Variants in ABCA12 observed in about 807,000 individuals in gnomAD.
ABCA12 encodes glucosylceramide transporter ABCA12.
ABCA12 carries 156 observed loss-of-function variants against 293.5 expected under a neutral mutation model. The observed-to-expected ratio is 0.53, with a 90% CI of 0.47 to 0.61. ABCA12 has a LOEUF of 0.61. Ranked by LOEUF, ABCA12 falls within the 20% of genes least tolerant of loss-of-function variation. The pLI is 0.00. For missense variants in ABCA12, 2,797 were observed against 3,090.2 expected, an observed-to-expected ratio of 0.91 and a Z score of 2.25; for synonymous variants, 1,063 against 1,108.0, an observed-to-expected ratio of 0.96 and a Z score of 0.81.
chr2:214,956,572 T>C, intron 42 of ABCA12, 91 bp downstream of exon 42: 1 of 930,102 alleles, frequency 1.1e-6, no homozygotes, highest in East Asian at 2.5e-5. Context: ...CCAAGACAAT[T>C]GTAATTTAGC....
chr2:215,011,952 T>G lies in ABCA12; in HGVS notation c.2121+19A>C. The G allele has an allele frequency of 6.2e-7, 1 of 1,613,056 alleles. No homozygotes were observed. The highest frequency in any genetic ancestry group is 8.5e-7 in the Non-Finnish European group (1 of 1,179,432). ...AGAAGGCATTTTTCAACAAGAACAT[T>G]ACTGGGTGACTTTGCTACCTGTGTT... On this transcript the variant is annotated intron_variant, in intron 16 of 52. Coordinates refer to ENST00000272895, the MANE Select transcript of ABCA12 (RefSeq NM_173076.3).
chr2:214,958,843 T>A (rs1699031298), intron 40 of ABCA12, among the ~76,000 whole-genome samples, 181 bp downstream of exon 40: 1 of 152,158 alleles, frequency 6.6e-6, no homozygotes, highest in Non-Finnish European at 1.5e-5. Context: ...CAACAAGCTC[T>A]ACTTGGCAAG....
In ABCA12 at chr2:215,084,707, T is replaced by C. The variant is rs1324022055; in HGVS notation, c.164-20488A>G. 2.6e-5 allele frequency among the ~76,000 whole-genome samples: 4 copies of C among 152,196 alleles called. No individual in the cohort carries two copies. The South Asian group carries it at 6.2e-4, about 24-fold the overall frequency. On this transcript the variant is annotated intron_variant, in intron 2 of 52. Transcript: ENST00000272895. Reference sequence around the variant, plus strand: ...ACCACGTAATGGTTACAGTTCTCCATGAGGGTCAATTTACCTTACTGGCAA... The same window carrying C: ...ACCACGTAATGGTTACAGTTCTCCACGAGGGTCAATTTACCTTACTGGCAA...
At position 215,004,228 on chromosome 2, in the gene ABCA12, C is replaced by T. The variant is rs1700205523; in HGVS notation, c.2664G>A (p.Leu888=). The change falls in exon 20 of 53, where the codon TTG becomes TTA. Residue 888 remains leucine, a synonymous_variant. Coordinates refer to ENST00000272895, the MANE Select transcript of ABCA12 (RefSeq NM_173076.3). The part of the protein sequence containing the change: ...FSVGLDAVEL[L]KQIDELDILR... ...ACTCACCGAGTTCATCTATCTGTTT[C>T]AATAGTTCAACAGCATCGAGTCCCA... 1.2e-6 allele frequency: 2 copies of T among 1,613,772 alleles called. No homozygotes were observed. The highest frequency in any genetic ancestry group is 2.7e-5 in the African/African-American group (2 of 74,910).
intron 2 of ABCA12, among the ~76,000 whole-genome samples, chr2:215,065,380 AAG>A (rs961101054): frequency 4.6e-5 from 7 of 151,094 alleles, no homozygotes; most frequent in African/African-American, 1.5e-4. Flanking sequence ...AAAGTAAAAA[AAG>A]AGAGAGAGAG....
At chr2:215,110,248 C>T (rs554964022) in intron 2 of ABCA12, among the ~76,000 whole-genome samples, 4 of 152,266 alleles carry the variant, frequency 2.6e-5, no homozygotes, top group African/African-American at 7.2e-5. Context: ...CGGTGGCTCA[C>T]GCCTGTAATC....
At chr2:215,006,500 T>A (rs954230840) in intron 19 of ABCA12, among the ~76,000 whole-genome samples, 6 of 152,198 alleles carry the variant, frequency 3.9e-5, no homozygotes, top group Non-Finnish European at 8.8e-5. Flanking sequence ...AAAATTTGGG[T>A]TGTAATTATA....
chr2:215,118,946 T>C (rs1575056316), intron 1 of ABCA12, among the ~76,000 whole-genome samples: 2 of 152,152 alleles, frequency 1.3e-5, no homozygotes, highest in African/African-American at 4.8e-5. Context: ...TTTTCTCCCA[T>C]TCTTTAGGTT....
In ABCA12 at chr2:215,049,672, G is replaced by C; in HGVS notation, c.647C>G (p.Thr216Ser). Residue 216 changes from threonine (T) to serine (S), a missense_variant, in exon 6 of 53, where the codon ACC becomes AGC. Physicochemically the swap from Thr to Ser is moderately conservative, Grantham distance 58 (BLOSUM62 1). This residue lies in a region of ABCA12 where 656 missense variants were observed against 638.2 expected (regional missense o/e 1.03). Coordinates refer to ENST00000272895, the MANE Select transcript of ABCA12 (RefSeq NM_173076.3). ...VFNKFCLSNMTLLESSLQELN... is the reference protein window; with the variant it reads ...VFNKFCLSNMSLLESSLQELN... ...TTCTTGGAGAGAAGACTCTAAAAGG[G>C]TCATGTTAGAAAGGCAAAATTTGTT... 6.2e-7 allele frequency: 1 copy of C among 1,613,572 alleles called. No individual in the cohort carries two copies. The highest frequency in any genetic ancestry group is 8.5e-7 in the Non-Finnish European group (1 of 1,179,708).
chr2:214,979,084 A>G (rs138515102), intron 31 of ABCA12, 44 bp from the exon 32 acceptor site: 13 of 1,544,890 alleles, frequency 8.4e-6, no homozygotes, highest in Non-Finnish European at 1.2e-5. Flanking sequence ...CTCTCTTTAC[A>G]CTATAGTGCT....
rs1225314149 is a variant in ABCA12, at chr2:214,969,105, C to G, written c.5691-298G>C. ...AATTTCTCCAACTTAACTGACCCAT[C>G]TACCATCTCAAATATCTTAATATTT... On this transcript the variant is annotated intron_variant, in intron 37 of 52. Transcript: ENST00000272895. Among the ~76,000 whole-genome samples, 3 of 152,132 alleles carry G rather than the reference C, an allele frequency of 2.0e-5. No individual in the cohort carries two copies. The East Asian group carries it at 5.8e-4, about 29-fold the overall frequency.
chr2:214,990,895 C>G lies in ABCA12; in HGVS notation c.3431G>C (p.Gly1144Ala). 6.2e-7 allele frequency: 1 copy of G among 1,613,836 alleles called. No homozygotes were observed. The highest frequency in any genetic ancestry group is 1.1e-5 in the South Asian group (1 of 91,032). The change falls in exon 24 of 53, where the codon GGG becomes GCG. Residue 1144 changes from glycine (G) to alanine (A), a missense_variant. Around this residue, in one of 3 missense-constraint regions of ABCA12, gnomAD observed 2,130 missense variants for 2,427.0 expected, o/e 0.88. Coordinates refer to ENST00000272895, the MANE Select transcript of ABCA12 (RefSeq NM_173076.3). ...KFGNILPKTN[G>A]FILFLYFSDY... Reference sequence around the variant, plus strand: ...CGAAAAATACAGGAACAAAATGAACCCATTTGTTTTAGGAAGAATATTGCC... The same window carrying G: ...CGAAAAATACAGGAACAAAATGAACGCATTTGTTTTAGGAAGAATATTGCC...
At chr2:215,067,227 T>G (rs773897468) in intron 2 of ABCA12, among the ~76,000 whole-genome samples, 9 of 152,090 alleles carry the variant, frequency 5.9e-5, no homozygotes, top group Non-Finnish European at 8.8e-5. Flanking sequence ...AGTTCTGAAA[T>G]TACATTCCCC....
At chr2:215,046,478 A>AAATATAATAT (rs532772298) in intron 6 of ABCA12, among the ~76,000 whole-genome samples, 1 of 147,548 alleles carries the variant, frequency 6.8e-6, no homozygotes, top group Non-Finnish European at 1.5e-5. Flanking sequence ...TATATATATA[A>AAATATAATAT]AATATAATAT....
chr2:214,970,477 A>G, intron 36 of ABCA12, 77 bp from the exon 37 acceptor site: 1 of 1,540,668 alleles, frequency 6.5e-7, no homozygotes. Flanking sequence ...AAGGAGCTTC[A>G]GTCTCATGAT....
At position 215,019,673 on chromosome 2, in the gene ABCA12, G is replaced by A. The variant is rs547232067; in HGVS notation, c.1411C>T (p.Leu471=). The part of the protein sequence containing the change: ...GSLCEESEFD[L]QLLEAAELGT... ...AGCTCTGCCGCTTCGAGGAGTTGCA[G>A]ATCAAACTCACTTTCTTCACACAGG... Residue 471 remains leucine, a synonymous_variant, in exon 12 of 53, where the codon CTG becomes TTG. Coordinates refer to ENST00000272895, the MANE Select transcript of ABCA12 (RefSeq NM_173076.3). 11 of 1,614,036 alleles carry A rather than the reference G, an allele frequency of 6.8e-6. No homozygotes were observed. Among genetic ancestry groups the A allele is most frequent in the South Asian group, 1.1e-5 (1 of 91,088 alleles).
At chr2:214,994,232 G>A (rs936176214) in intron 23 of ABCA12, among the ~76,000 whole-genome samples, 1 of 151,906 alleles carries the variant, frequency 6.6e-6, no homozygotes, top group African/African-American at 2.4e-5. Context: ...GCGGCTAGAT[G>A]TGCTTTCTTG....
At chr2:215,045,583 C>A (rs1468158649) in intron 7 of ABCA12, among the ~76,000 whole-genome samples, 1 of 152,146 alleles carries the variant, frequency 6.6e-6, no homozygotes, top group African/African-American at 2.4e-5. Flanking sequence ...AGAAGCTCTG[C>A]GATACCCAGT....
At chr2:215,073,093 T>A (rs1701767945) in intron 2 of ABCA12, among the ~76,000 whole-genome samples, 1 of 151,378 alleles carries the variant, frequency 6.6e-6, no homozygotes, top group East Asian at 1.9e-4. Flanking sequence ...AGAGTCTGCC[T>A]CCAAAAAAAA....
Sources: gnomAD v4.1 joint callset for allele counts (sites outside exome capture counted in the v4.1 genomes callset) on GRCh38, gnomAD v4.1.1 for gene constraint, gnomAD v4.1.1 regional missense constraint, MANE v1.5 for transcripts, NCBI Gene and HGNC (gene_info 2026-07-23, HGNC 2026-07-21) for gene names.